STRN: variants seen among roughly 807,000 people sequenced by gnomAD.
The protein encoded by STRN is protein phosphatase 2 regulatory subunit B'''alpha.
Under a neutral mutation model 96.3 loss-of-function variants are expected in STRN, and 53 were observed. The observed-to-expected ratio is 0.55, with a 90% confidence interval of 0.44 to 0.69. The LOEUF (loss-of-function observed/expected upper bound fraction) is 0.69. Among genes scored for constraint, STRN ranks in the 30% least tolerant of loss-of-function variants. STRN has a pLI of 0.00. For synonymous variants in STRN, 428 were observed against 355.9 expected (o/e 1.20, Z -2.28); for missense variants, 987 against 963.9 (o/e 1.02, Z -0.32).
chr2:36,878,966 T>G (rs927426269), intron 9 of STRN, among the ~76,000 whole-genome samples: 5 of 152,094 alleles, frequency 3.3e-5, no homozygotes, highest in Non-Finnish European at 7.3e-5. Flanking sequence ...TTGGCCAGGC[T>G]GGTCGTGAAC....
Position 36,920,634 on chromosome 2 carries a change from G to A in STRN, c.338+4471C>T, listed in dbSNP as rs113478879. Among the ~76,000 whole-genome samples the A allele has an allele frequency of 5.2e-5, 7 of 134,362 alleles. No homozygotes were observed. The East Asian group carries it at 8.9e-4, about 17-fold the overall frequency. The allele number at this position is 134,362 out of a possible 152,430, so 88.1% of individuals were successfully genotyped here. A position where few individuals can be genotyped will look rare whatever the true frequency, so the allele number is the denominator to read the frequency against. ...GCCTGGGCAACAAGAGCAAAACTCC[G>A]TCTCAAAAAAAAAAAAAAAAAGACA... On this transcript the variant is annotated intron_variant, in intron 2 of 17. Transcript: ENST00000263918.
At chr2:36,960,876 T>C (rs1665012029) in intron 1 of STRN, among the ~76,000 whole-genome samples, 1 of 152,004 alleles carries the variant, frequency 6.6e-6, no homozygotes, top group Admixed American at 6.6e-5. Flanking sequence ...TCTATATCCA[T>C]GTATTTTTGT....
chr2:36,872,282 C>A (rs1373022119), intron 10 of STRN, among the ~76,000 whole-genome samples: 2 of 152,234 alleles, frequency 1.3e-5, no homozygotes, highest in Non-Finnish European at 1.5e-5. Flanking sequence ...AGCTGCCATG[C>A]TGAAAAGCCC....
At chr2:36,867,689 T>G in intron 12 of STRN, 125 bp downstream of exon 12, 1 of 549,120 alleles carries the variant, frequency 1.8e-6, no homozygotes, top group East Asian at 3.2e-5. Context: ...TCTGTCAAAT[T>G]CTTTTACATT....
intron 4 of STRN, among the ~76,000 whole-genome samples, chr2:36,905,325 A>AT (rs1227526798): frequency 2.0e-5 from 3 of 152,240 alleles, no homozygotes; most frequent in Non-Finnish European, 4.4e-5. Context: ...AATGAAAAGA[A>AT]TAACTTTAAA....
At position 36,845,455 on chromosome 2, in the gene STRN, T is replaced by G. The variant is rs1572615526; in HGVS notation, c.*4001A>C. 6.6e-6 allele frequency: 1 copy of G among 152,170 alleles called. No homozygotes were observed. The allele number at this position is 152,170 out of a possible 1,614,324, so 9.4% of individuals were successfully genotyped here. A position where few individuals can be genotyped will look rare whatever the true frequency, so the allele number is the denominator to read the frequency against. ...ACAAAGAGGTAGATATGAGAGATGC[T>G]TTTTAAATATTTTAAGACTATTCTT... On this transcript the variant is annotated 3_prime_UTR_variant, in exon 18 of 18. Coordinates refer to ENST00000263918, the MANE Select transcript of STRN (RefSeq NM_003162.4).
chr2:36,960,006 A>G (rs1287231479), intron 1 of STRN, among the ~76,000 whole-genome samples: 4 of 152,344 alleles, frequency 2.6e-5, no homozygotes, highest in Non-Finnish European at 4.4e-5. Flanking sequence ...TAAAGCCTCT[A>G]TAACCTTTCT....
chr2:36,959,597 T>C (rs1465809228), intron 1 of STRN, among the ~76,000 whole-genome samples: 2 of 152,178 alleles, frequency 1.3e-5, no homozygotes, highest in East Asian at 1.9e-4. Flanking sequence ...TGTCATTACA[T>C]CTCAGTCAGA....
chr2:36,935,021 T>A (rs990759986), intron 1 of STRN, among the ~76,000 whole-genome samples: 1 of 152,092 alleles, frequency 6.6e-6, no homozygotes, highest in African/African-American at 2.4e-5. Context: ...GAGGTTGCAG[T>A]GAACTGAGAC....
At chr2:36,929,563 T>G (rs1203677494) in intron 1 of STRN, among the ~76,000 whole-genome samples, 1 of 152,150 alleles carries the variant, frequency 6.6e-6, no homozygotes, top group Non-Finnish European at 1.5e-5. Flanking sequence ...TTTTGTATTT[T>G]TAGTAGAGAC....
rs1159328921 is a variant in STRN, at chr2:36,844,671, TG to T, written c.*4784del. The T allele has an allele frequency of 1.3e-5, 2 of 152,232 alleles. No individual in the cohort carries two copies. Among genetic ancestry groups the T allele is most frequent in the African/African-American group, 2.4e-5 (1 of 41,560 alleles). The allele number at this position is 152,232 out of a possible 1,614,324, so 9.4% of individuals were successfully genotyped here. A position where few individuals can be genotyped will look rare whatever the true frequency, so the allele number is the denominator to read the frequency against. On this transcript the variant is annotated 3_prime_UTR_variant, in exon 18 of 18. Transcript: ENST00000263918. Reference sequence around the variant, plus strand: ...CTAGGGATCTGTTTGGCCTAACATTTGTTTTTTTTAGAATTAAAAAAACAAA... The same window carrying T: ...CTAGGGATCTGTTTGGCCTAACATTTTTTTTTTTAGAATTAAAAAAACAAA...
intron 8 of STRN, 94 bp downstream of exon 8, chr2:36,886,622 A>G: frequency 2.1e-6 from 2 of 953,318 alleles, no homozygotes; most frequent in Non-Finnish European, 3.2e-6. Context: ...GAAATGAAAA[A>G]GAGTAAGTAG....
intron 1 of STRN, among the ~76,000 whole-genome samples, chr2:36,964,647 C>T (rs1226014461): frequency 6.6e-6 from 1 of 152,130 alleles, no homozygotes; most frequent in Non-Finnish European, 1.5e-5. Flanking sequence ...CTGGTCACTC[C>T]CTAACTTCAT....
chr2:36,964,104 T>A (rs1206980263), intron 1 of STRN, among the ~76,000 whole-genome samples: 1 of 147,672 alleles, frequency 6.8e-6, no homozygotes, highest in Non-Finnish European at 1.5e-5. Context: ...TTTGGAGATG[T>A]GTGCATAAAA....
intron 2 of STRN, among the ~76,000 whole-genome samples, 161 bp from the exon 3 acceptor site, chr2:36,916,312 T>C (rs544190979): frequency 6.6e-6 from 1 of 152,318 alleles, no homozygotes; most frequent in African/African-American, 2.4e-5. Flanking sequence ...ACAAAAGTGC[T>C]TGCCTTTTCG....
At chr2:36,877,628 C>A (rs965230674) in intron 10 of STRN, among the ~76,000 whole-genome samples, 1 of 152,086 alleles carries the variant, frequency 6.6e-6, no homozygotes, top group East Asian at 1.9e-4. Context: ...CTCTGCCTTC[C>A]GGGCTCAAGC....
At chr2:36,851,711 T>C (rs1208699222) in intron 15 of STRN, among the ~76,000 whole-genome samples, 2 of 152,234 alleles carry the variant, frequency 1.3e-5, no homozygotes, top group African/African-American at 2.4e-5. Context: ...CTGTGAGATT[T>C]TGCTACTTTA....
chr2:36,965,180 A>C (rs928673909), intron 1 of STRN, among the ~76,000 whole-genome samples: 2 of 152,194 alleles, frequency 1.3e-5, no homozygotes, highest in Admixed American at 1.3e-4. Flanking sequence ...TTTTAAACTC[A>C]AGTGTTTTGC....
chr2:36,958,701 C>A (rs1664953303), intron 1 of STRN, among the ~76,000 whole-genome samples: 3 of 152,034 alleles, frequency 2.0e-5, no homozygotes, highest in African/African-American at 7.3e-5. Flanking sequence ...ATCAAAAACC[C>A]AAAAGGAGAA....
Sources: gnomAD v4.1 joint callset for allele counts (sites outside exome capture counted in the v4.1 genomes callset) on GRCh38, gnomAD v4.1.1 for gene constraint, MANE v1.5 for transcripts, NCBI Gene and HGNC (gene_info 2026-07-23, HGNC 2026-07-21) for gene names.